Variants in DCHS2 observed in about 807,000 individuals in gnomAD.
DCHS2 encodes protocadherin-23.
Under a neutral mutation model 182.4 loss-of-function variants are expected in DCHS2, and 142 were observed. The ratio of observed to expected loss-of-function variants is 0.78; its 90% CI spans 0.68 to 0.89. The LOEUF (loss-of-function observed/expected upper bound fraction) is 0.89, where lower values mean the gene tolerates loss of function less well. Ranked by LOEUF, DCHS2 falls within the 40% of genes least tolerant of loss-of-function variation. The probability of loss-of-function intolerance (pLI) is 0.00; values close to 1 mark genes in which losing one functional copy is unlikely to be tolerated. For missense variants in DCHS2, 4,319 were observed against 4,198.6 expected, an observed-to-expected ratio of 1.03 and a Z score of -0.79; for synonymous variants, 1,740 against 1,663.3, an observed-to-expected ratio of 1.05 and a Z score of -1.12.
chr4:154,329,538 C>A lies in DCHS2; in HGVS notation c.3903G>T (p.Lys1301Asn). The change falls in exon 6 of 20, where the codon AAG becomes AAT. Residue 1301 changes from lysine (K) to asparagine (N), a missense_variant. Physicochemically the swap from Lys to Asn is moderately conservative, Grantham distance 94. Coordinates refer to ENST00000357232, the MANE Select transcript of DCHS2 (RefSeq NM_001358235.2). ...CTTCACAAACCTTCACGTGTAACTC[C>A]TTTCCAGGGAGACACTGGGGGAAGA... ...RPFFPQCLPG[K>N]ELHVKVLEGQ... 1 of 1,613,426 alleles carries A rather than the reference C, an allele frequency of 6.2e-7. No individual in the cohort carries two copies.
chr4:154,478,652 G>A, intron 1 of DCHS2, among the ~76,000 whole-genome samples: 1 of 152,096 alleles, frequency 6.6e-6, no homozygotes. Context: ...CTTAGAGAGG[G>A]GAAATCCGGG....
At chr4:154,301,488 A>G (rs561617385) in intron 12 of DCHS2, among the ~76,000 whole-genome samples, 3 of 151,898 alleles carry the variant, frequency 2.0e-5, no homozygotes, top group Non-Finnish European at 4.4e-5. Flanking sequence ...CCTTATTTTT[A>G]TTTATTTATT....
At chr4:154,315,387 TAAAG>T (rs914300101) in intron 10 of DCHS2, among the ~76,000 whole-genome samples, 3 of 152,158 alleles carry the variant, frequency 2.0e-5, no homozygotes, top group Non-Finnish European at 4.4e-5. Flanking sequence ...ACAGAGGAAA[TAAAG>T]AACCATTTAT....
rs544528610 is a variant in DCHS2 at position 154,305,046 on chromosome 4, T to A, written c.5395+51A>T. On this transcript the variant is annotated intron_variant, in intron 11 of 19. Coordinates refer to ENST00000357232, the MANE Select transcript of DCHS2 (RefSeq NM_001358235.2). ...ATTTCACCACTTAACAGGTTTTTTTTAAATTTAATTTTTAATTTTTATTTT... is the reference window on the plus strand; with the variant it reads ...ATTTCACCACTTAACAGGTTTTTTTAAAATTTAATTTTTAATTTTTATTTT... The A allele has an allele frequency of 4.8e-5, 73 of 1,515,902 alleles. 1 individual carries two copies. The African/African-American group carries it at 7.8e-4, about 16-fold the overall frequency. The allele number at this position is 1,515,902 out of a possible 1,614,324, so 93.9% of individuals were successfully genotyped here.
chr4:154,400,544 A>G (rs1732129847), intron 1 of DCHS2, among the ~76,000 whole-genome samples: 1 of 152,176 alleles, frequency 6.6e-6, no homozygotes, highest in Non-Finnish European at 1.5e-5. Context: ...TCCTCATACA[A>G]CTAGCCTCGG....
At chr4:154,395,257 C>G (rs1379405577) in intron 1 of DCHS2, among the ~76,000 whole-genome samples, 4 of 152,116 alleles carry the variant, frequency 2.6e-5, no homozygotes, top group African/African-American at 9.7e-5. Context: ...TATTTAAACA[C>G]TGAACACCTG....
At chr4:154,250,288 AT>A (rs979120738) in intron 16 of DCHS2, among the ~76,000 whole-genome samples, 8 of 152,212 alleles carry the variant, frequency 5.3e-5, no homozygotes, top group South Asian at 2.1e-4. Flanking sequence ...AGATCTTTCT[AT>A]TCCCTAAATA....
At chr4:154,456,687 T>G (rs1416215815) in intron 1 of DCHS2, among the ~76,000 whole-genome samples, 1 of 152,164 alleles carries the variant, frequency 6.6e-6, no homozygotes, top group East Asian at 1.9e-4. Flanking sequence ...TTAGAAAAGG[T>G]AGACAACTTA....
chr4:154,322,837 TCTTC>T (rs1736121259), intron 7 of DCHS2: 1 of 248,404 alleles, frequency 4.0e-6, no homozygotes, highest in Non-Finnish European at 7.6e-6. Flanking sequence ...TCATATTATT[TCTTC>T]TGTATATATT....
intron 1 of DCHS2, among the ~76,000 whole-genome samples, chr4:154,442,542 CACACACACACA>C (rs1734081237): frequency 1.9e-5 from 1 of 52,478 alleles, no homozygotes; most frequent in African/African-American, 6.4e-5. Flanking sequence ...CCCCCCCCCC[CACACACACACA>C]CACACACACC....
chr4:154,310,120 T>C (rs1441608687), intron 10 of DCHS2, among the ~76,000 whole-genome samples: 1 of 152,190 alleles, frequency 6.6e-6, no homozygotes, highest in Non-Finnish European at 1.5e-5. Flanking sequence ...GATTTCAACA[T>C]AACTCAGGTA....
At position 154,491,005 on chromosome 4, in the gene DCHS2, G is replaced by A. The variant is rs1345853444; in HGVS notation, c.351C>T (p.His117=). 6.4e-7 allele frequency: 1 copy of A among 1,550,556 alleles called. No homozygotes were observed. Among genetic ancestry groups the A allele is most frequent in the Admixed American group, 2.0e-5 (1 of 50,982 alleles). Residue 117 remains histidine (H), a synonymous_variant, in exon 1 of 20, where the codon CAC becomes CAT. Transcript: ENST00000357232. ...SDDSPLLDDF[H]VHPDTGIIRT... ...GGATGATGCCGGTGTCCGGGTGCAC[G>A]TGGAAGTCGTCCAGCAGCGGGGAGT... is the stretch of plus-strand genomic sequence containing the variant.
intron 1 of DCHS2, among the ~76,000 whole-genome samples, chr4:154,427,565 C>G (rs920807524): frequency 2.0e-5 from 3 of 152,232 alleles, no homozygotes; most frequent in African/African-American, 2.4e-5. Context: ...TCAATTAACT[C>G]TGTTAAATTT....
At chr4:154,244,095 T>A (rs558189651) in intron 16 of DCHS2, among the ~76,000 whole-genome samples, 1 of 152,348 alleles carries the variant, frequency 6.6e-6, no homozygotes, top group African/African-American at 2.4e-5. Context: ...AATGCACCTT[T>A]ATGTATTCGC....
intron 1 of DCHS2, among the ~76,000 whole-genome samples, chr4:154,384,769 G>A (rs540330102): frequency 2.0e-5 from 3 of 151,936 alleles, no homozygotes; most frequent in Admixed American, 1.3e-4. Context: ...AAGGAACACC[G>A]ACAGCCACCA....
chr4:154,400,036 G>T (rs1252290190), intron 1 of DCHS2, among the ~76,000 whole-genome samples: 1 of 152,156 alleles, frequency 6.6e-6, no homozygotes, highest in Non-Finnish European at 1.5e-5. Context: ...GGGCGCGGTG[G>T]CTCATGCCTG....
Position 154,240,691 on chromosome 4 carries a change from A to G in DCHS2, c.7205T>C (p.Val2402Ala). ...KFAIDQNTGV[V>A]VLVKTLDFEE... The stretch of plus-strand genomic sequence containing the variant: ...AAAATCCAATGTTTTCACCAACACC[A>G]CCACTCCAGTGTTCTGATCAATAGC... Residue 2402 changes from valine (V) to alanine (A), a missense_variant, in exon 18 of 20, where the codon GTG (valine) becomes GCG (alanine). By Grantham distance (64) the Val-to-Ala change is moderately conservative (BLOSUM62 0). Coordinates refer to ENST00000357232, the MANE Select transcript of DCHS2 (RefSeq NM_001358235.2). 1 of 1,613,934 alleles carries G rather than the reference A, an allele frequency of 6.2e-7. No individual in the cohort carries two copies. Among genetic ancestry groups the G allele is most frequent in the South Asian group, 1.1e-5 (1 of 91,076 alleles).
intron 1 of DCHS2, among the ~76,000 whole-genome samples, chr4:154,400,827 C>T (rs576868638): frequency 6.7e-4 from 102 of 152,292 alleles, no homozygotes; most frequent in Admixed American, 1.8e-3. Flanking sequence ...CTCTGTCCAC[C>T]TACTCCATGC....
chr4:154,371,768 C>T (rs918055407), intron 2 of DCHS2, among the ~76,000 whole-genome samples: 2 of 151,984 alleles, frequency 1.3e-5, no homozygotes, highest in African/African-American at 2.4e-5. Context: ...AGAGAGAAGG[C>T]GGAGGCAGAG....
Sources: gnomAD v4.1 joint callset for allele counts (sites outside exome capture counted in the v4.1 genomes callset) on GRCh38, gnomAD v4.1.1 for gene constraint, MANE v1.5 for transcripts, NCBI Gene and HGNC (gene_info 2026-07-23, HGNC 2026-07-21) for gene names.